The following FRS2 variants were observed in gnomAD, a reference collection of about 807,000 sequenced individuals.
FRS2 encodes fibroblast growth factor receptor substrate 2.
FRS2 carries 8 observed loss-of-function variants against 43.9 expected under a neutral mutation model. The ratio of observed to expected loss-of-function variants is 0.18; its 90% CI spans 0.11 to 0.33. FRS2 has a LOEUF of 0.33. FRS2 is among the 10% of genes least tolerant of loss of function. The pLI is 1.00. For synonymous variants in FRS2, 219 were observed against 220.3 expected (o/e 0.99, Z 0.05); for missense variants, 534 against 627.6 (o/e 0.85, Z 1.59).
At chr12:69,568,599 G>GTC (rs764694284) in intron 4 of FRS2, among the ~76,000 whole-genome samples, 59 of 150,524 alleles carry the variant, frequency 3.9e-4, no homozygotes, top group African/African-American at 1.3e-3. Flanking sequence ...GTCCCTCTCT[G>GTC]TCTCTCTCTC....
At chr12:69,474,212 C>G (rs925831940) in intron 1 of FRS2, among the ~76,000 whole-genome samples, 6 of 152,012 alleles carry the variant, frequency 3.9e-5, no homozygotes, top group African/African-American at 1.5e-4. Context: ...CAAGGAGGTA[C>G]GTAATGAGAT....
At chr12:69,484,346 A>T (rs1413218329) in intron 1 of FRS2, among the ~76,000 whole-genome samples, 1 of 152,140 alleles carries the variant, frequency 6.6e-6, no homozygotes, top group African/African-American at 2.4e-5. Flanking sequence ...TGCCTCCCAG[A>T]GTGCTGGGAT....
intron 1 of FRS2, among the ~76,000 whole-genome samples, chr12:69,510,948 A>C (rs2135573529): frequency 6.6e-6 from 1 of 152,350 alleles, no homozygotes; most frequent in Middle Eastern, 3.4e-3. Context: ...TTCTGAAATT[A>C]TCTTCGTGGA....
At position 69,516,651 on chromosome 12, in the gene FRS2, TATTAA is replaced by T. The variant is rs1052725720; in HGVS notation, c.-260-14210_-260-14206del. Among the ~76,000 whole-genome samples the T allele has an allele frequency of 4.5e-4, 69 of 152,340 alleles. 1 individual carries two copies. Among genetic ancestry groups the T allele is most frequent in the Non-Finnish European group, 2.9e-5 (2 of 68,026 alleles). ...AAAAGTGATTTGTGTTCTGTTTAAATATTAAATTGTCAACATTGAGTATACTATAC... is the reference window on the plus strand; with the variant it reads ...AAAAGTGATTTGTGTTCTGTTTAAATATTGTCAACATTGAGTATACTATAC... On this transcript the variant is annotated intron_variant, in intron 1 of 8. Coordinates refer to ENST00000549921, the MANE Select transcript of FRS2 (RefSeq NM_001278356.2).
chr12:69,557,627 C>CGCGT (rs1412699717), intron 3 of FRS2, among the ~76,000 whole-genome samples: 8 of 109,628 alleles, frequency 7.3e-5, no homozygotes, highest in South Asian at 2.4e-4. Flanking sequence ...TGTGCGCGCG[C>CGCGT]GCGCGCGCGC....
In FRS2 at chr12:69,494,440, G is replaced by A. The variant is rs528517872; in HGVS notation, c.-261+23910G>A. 5.3e-5 allele frequency among the ~76,000 whole-genome samples: 8 copies of A among 152,266 alleles called. No individual in the cohort carries two copies. In the South Asian group the frequency reaches 1.2e-3, roughly 24 times the overall value. On this transcript the variant is annotated intron_variant, in intron 1 of 8. Transcript: ENST00000549921. ...TTATACATGAGGAAACTCTCTCAGA[G>A]AGGTTATATAATTTGCTGCAGCTCA...
chr12:69,484,095 C>CTTTTTTTTTTTTT (rs368221087), intron 1 of FRS2, among the ~76,000 whole-genome samples: 213 of 149,326 alleles, frequency 1.4e-3, no homozygotes, highest in Admixed American at 2.6e-3. Context: ...GCTTTTCTTT[C>CTTTTTTTTTTTTT]TTTTTTTTTG....
intron 3 of FRS2, among the ~76,000 whole-genome samples, chr12:69,557,619 T>TGTGTGTGCGCGTGCGC (rs1555192498): frequency 8.4e-6 from 1 of 118,966 alleles, no homozygotes; most frequent in African/African-American, 2.8e-5. Flanking sequence ...TGTGTGTGTG[T>TGTGTGTGCGCGTGCGC]GCGCGCGCGC....
At chr12:69,494,899 G>A (rs1057029502) in intron 1 of FRS2, among the ~76,000 whole-genome samples, 2 of 151,972 alleles carry the variant, frequency 1.3e-5, no homozygotes, top group East Asian at 3.9e-4. Flanking sequence ...TCAACCTCCC[G>A]AGTAGCTGGG....
In FRS2 at chr12:69,572,286, G is replaced by T; in HGVS notation, c.576+5G>T. 6.2e-7 allele frequency: 1 copy of T among 1,608,594 alleles called. No individual in the cohort carries two copies. On this transcript the variant is annotated splice_donor_5th_base_variant and intron_variant, in intron 8 of 8. Transcript: ENST00000549921. ...TTGCTTGTGGCTGAGGAACAAGTAA[G>T]CATGTGCTACTGTGTAACAGCAATA...
In FRS2 at chr12:69,574,456, G is replaced by C. The variant is rs1363249404; in HGVS notation, c.1028G>C (p.Arg343Thr). 1.2e-6 allele frequency: 2 copies of C among 1,613,970 alleles called. No homozygotes were observed. The highest frequency in any genetic ancestry group is 2.2e-5 in the South Asian group (2 of 91,086). Residue 343 changes from arginine to threonine, a missense_variant, in exon 9 of 9, where the codon AGA becomes ACA. Physicochemically the swap from Arg to Thr is moderately conservative, Grantham distance 71 (BLOSUM62 -1). Coordinates refer to ENST00000549921, the MANE Select transcript of FRS2 (RefSeq NM_001278356.2). ...TQNINNSAQR[R>T]TALLNYENLP... ...AATATCAACAACTCAGCTCAGAGAA[G>C]AACTGCATTATTAAACTATGAAAAT... is the stretch of plus-strand genomic sequence containing the variant.
chr12:69,477,984 G>A (rs947569707), intron 1 of FRS2, among the ~76,000 whole-genome samples: 1 of 151,266 alleles, frequency 6.6e-6, no homozygotes, highest in African/African-American at 2.4e-5. Context: ...CTTGTGATCC[G>A]CCCACCTCGG....
intron 3 of FRS2, among the ~76,000 whole-genome samples, chr12:69,551,196 T>A (rs887003805): frequency 4.7e-4 from 71 of 152,058 alleles, no homozygotes; most frequent in Non-Finnish European, 3.8e-4. Context: ...ACAAAACATT[T>A]AAAAAATTAG....
intron 3 of FRS2, among the ~76,000 whole-genome samples, chr12:69,536,005 T>C (rs543157456): frequency 2.1e-4 from 32 of 151,862 alleles, no homozygotes; most frequent in African/African-American, 7.7e-4. Context: ...GAACACACTT[T>C]TAGCCTTACA....
intron 3 of FRS2, among the ~76,000 whole-genome samples, chr12:69,552,778 G>C (rs985649530): frequency 1.3e-5 from 2 of 151,990 alleles, no homozygotes; most frequent in Non-Finnish European, 2.9e-5. Flanking sequence ...TGTAATTCCA[G>C]CTACTTGAGA....
intron 1 of FRS2, among the ~76,000 whole-genome samples, chr12:69,521,476 G>T (rs1429531853): frequency 1.3e-5 from 2 of 152,138 alleles, no homozygotes; most frequent in African/African-American, 2.4e-5. Context: ...TCCTTGTTTT[G>T]TGCTGGTTTT....
chr12:69,493,699 C>T (rs374729174), intron 1 of FRS2, among the ~76,000 whole-genome samples: 4 of 152,200 alleles, frequency 2.6e-5, no homozygotes, highest in East Asian at 1.9e-4. Flanking sequence ...CCAGCCTGGG[C>T]AACAAGAGCG....
At chr12:69,534,688 C>T (rs922910607) in intron 3 of FRS2, among the ~76,000 whole-genome samples, 14 of 152,186 alleles carry the variant, frequency 9.2e-5, no homozygotes, top group African/African-American at 2.9e-4. Flanking sequence ...TAATCACATG[C>T]TCACAAAGTG....
At chr12:69,532,792 G>C (rs1409971167) in intron 3 of FRS2, among the ~76,000 whole-genome samples, 1 of 152,168 alleles carries the variant, frequency 6.6e-6, no homozygotes, top group Non-Finnish European at 1.5e-5. Context: ...GTATTTATAA[G>C]ATCTTTGGTG....
Sources: allele counts gnomAD v4.1 joint callset (sites outside exome capture counted in the v4.1 genomes callset), GRCh38; gene constraint gnomAD v4.1.1; transcripts MANE v1.5; gene names NCBI Gene and HGNC (gene_info 2026-07-23, HGNC 2026-07-21).